MACROD2: variants seen among roughly 807,000 people sequenced by gnomAD.
MACROD2 encodes ADP-ribose glycohydrolase MACROD2.
In MACROD2, 36 loss-of-function variants were observed where a neutral mutation model predicts 70.4. That is an observed-to-expected ratio of 0.51 (90% CI 0.39 to 0.68). MACROD2 has a LOEUF of 0.68. Ranked by LOEUF, MACROD2 falls within the 30% of genes least tolerant of loss-of-function variation. The pLI is 0.00. For missense variants in MACROD2, 496 were observed against 538.4 expected (o/e 0.92, Z 0.78); for synonymous variants, 172 against 178.8 (o/e 0.96, Z 0.30).
At chr20:14,310,993 A>G (rs75679915) in intron 3 of MACROD2, among the ~76,000 whole-genome samples, 1 of 152,234 alleles carries the variant, frequency 6.6e-6, no homozygotes. Flanking sequence ...GAAAAAATTT[A>G]AAAGTTTATA....
chr20:15,818,074 G>A (rs956933696), intron 8 of MACROD2, among the ~76,000 whole-genome samples: 1 of 152,138 alleles, frequency 6.6e-6, no homozygotes, highest in Non-Finnish European at 1.5e-5. Context: ...GTCCCACCCT[G>A]TGGTGGCTTT....
At chr20:15,831,602 C>T (rs6135564) in intron 8 of MACROD2, among the ~76,000 whole-genome samples, 86,404 of 151,994 alleles carry the variant, frequency 0.57, 24,818 homozygotes, top group Non-Finnish European at 0.61. Context: ...CAGCCCCTGC[C>T]CAGCTTGGAG....
At chr20:14,244,922 T>G (rs2081957288) in intron 3 of MACROD2, among the ~76,000 whole-genome samples, 1 of 152,258 alleles carries the variant, frequency 6.6e-6, no homozygotes, top group South Asian at 2.1e-4. Flanking sequence ...ACACAGTTGT[T>G]GTTTGGTAAA....
chr20:14,483,961 A>T (rs1194811357), intron 3 of MACROD2, among the ~76,000 whole-genome samples: 1 of 152,166 alleles, frequency 6.6e-6, no homozygotes, highest in African/African-American at 2.4e-5. Context: ...TATATATTTG[A>T]TATCTGTCAG....
intron 15 of MACROD2, among the ~76,000 whole-genome samples, chr20:16,020,029 G>A (rs1681448089): frequency 6.6e-6 from 1 of 152,160 alleles, no homozygotes; most frequent in Admixed American, 6.5e-5. Flanking sequence ...TCTTCCCACT[G>A]CCAGTCTGTT....
intron 7 of MACROD2, among the ~76,000 whole-genome samples, chr20:15,473,343 TTCAAAAATATTTGCA>T (rs1160666492): frequency 6.6e-6 from 1 of 152,162 alleles, no homozygotes; most frequent in Non-Finnish European, 1.5e-5. Flanking sequence ...AGAGTAGGCA[TTCAAAAATATTTGCA>T]CAGTGAAAGG....
chr20:15,618,094 T>TC (rs2049064476), intron 8 of MACROD2, among the ~76,000 whole-genome samples: 1 of 87,164 alleles, frequency 1.1e-5, no homozygotes, highest in South Asian at 4.8e-4. Context: ...CCATCATTAG[T>TC]CTTTTTTTTT....
In MACROD2 at chr20:15,458,060, A is replaced by AGAAATGT. The variant is rs1228801214; in HGVS notation, c.571+26625_571+26626insGAAATGT. On this transcript the variant is annotated intron_variant, in intron 7 of 17. Transcript: ENST00000684519. ...AGGTATTTTTTAGTTCTGTTTTTCTAAACTCAATTTCCAGTTACATTTTTC... is the reference window on the plus strand; with the variant it reads ...AGGTATTTTTTAGTTCTGTTTTTCTAGAAATGTAACTCAATTTCCAGTTACATTTTTC... 1.5e-3 allele frequency among the ~76,000 whole-genome samples: 232 copies of AGAAATGT among 152,112 alleles called. 3 individuals are homozygous for AGAAATGT. Among genetic ancestry groups the AGAAATGT allele is most frequent in the African/African-American group, 5.5e-3 (227 of 41,500 alleles).
intron 3 of MACROD2, among the ~76,000 whole-genome samples, chr20:14,418,562 T>C (rs1380287405): frequency 6.6e-6 from 1 of 152,238 alleles, no homozygotes; most frequent in Non-Finnish European, 1.5e-5. Context: ...AAGTACAACA[T>C]TGTTACTCAG....
intron 5 of MACROD2, among the ~76,000 whole-genome samples, chr20:14,925,517 T>C (rs1486604030): frequency 6.6e-6 from 1 of 152,210 alleles, no homozygotes; most frequent in Non-Finnish European, 1.5e-5. Flanking sequence ...TCATTGATTC[T>C]GCATGAGTCA....
intron 5 of MACROD2, among the ~76,000 whole-genome samples, chr20:15,220,859 GC>G (rs1221600588): frequency 3.3e-5 from 5 of 152,208 alleles, no homozygotes; most frequent in Non-Finnish European, 7.3e-5. Context: ...ATTGCCCTAT[GC>G]ACTGGCACAT....
At chr20:14,082,616 T>C (rs910130168) in intron 2 of MACROD2, among the ~76,000 whole-genome samples, 1 of 152,150 alleles carries the variant, frequency 6.6e-6, no homozygotes, top group Admixed American at 6.5e-5. Flanking sequence ...CATGAGAAAA[T>C]GAAATAATAC....
intron 5 of MACROD2, among the ~76,000 whole-genome samples, chr20:14,835,890 T>G (rs1023623395): frequency 6.6e-6 from 1 of 152,066 alleles, no homozygotes; most frequent in Non-Finnish European, 1.5e-5. Context: ...CTCTTCCGCA[T>G]GTAGCTTATT....
At chr20:14,918,381 A>G (rs1196532798) in intron 5 of MACROD2, among the ~76,000 whole-genome samples, 3 of 152,166 alleles carry the variant, frequency 2.0e-5, no homozygotes, top group Admixed American at 6.5e-5. Flanking sequence ...AGTAGCTGCT[A>G]GAGAGAGGTT....
intron 5 of MACROD2, among the ~76,000 whole-genome samples, chr20:14,858,236 G>A (rs2073276754): frequency 6.6e-6 from 1 of 152,140 alleles, no homozygotes; most frequent in Non-Finnish European, 1.5e-5. Context: ...ATAGCAAGGT[G>A]ATAAATACGC....
At chr20:14,977,493 A>ACG (rs1444924320) in intron 5 of MACROD2, among the ~76,000 whole-genome samples, 1 of 151,656 alleles carries the variant, frequency 6.6e-6, no homozygotes, top group African/African-American at 2.4e-5. Flanking sequence ...ACACACACAC[A>ACG]CACACACAAT....
At chr20:15,030,666 C>CAGATAGATAGATAGATAGATAGATAGAT (rs60260667) in intron 5 of MACROD2, among the ~76,000 whole-genome samples, 23 of 151,750 alleles carry the variant, frequency 1.5e-4, no homozygotes, top group African/African-American at 5.6e-4. Flanking sequence ...GATAGATAGA[C>CAGATAGATAGATAGATAGATAGATAGAT]AGATAGATAG....
intron 6 of MACROD2, among the ~76,000 whole-genome samples, chr20:15,240,699 C>T (rs1177582001): frequency 6.6e-6 from 1 of 152,118 alleles, no homozygotes; most frequent in Admixed American, 6.5e-5. Context: ...AATCTCTAAC[C>T]CCCAATGTGA....
At chr20:14,115,234 G>T (rs893381565) in intron 3 of MACROD2, among the ~76,000 whole-genome samples, 1 of 152,046 alleles carries the variant, frequency 6.6e-6, no homozygotes, top group African/African-American at 2.4e-5. Context: ...TTTTTAAAAT[G>T]TTTTTCCTAT....
Sources: gnomAD v4.1 joint callset for allele counts (sites outside exome capture counted in the v4.1 genomes callset) on GRCh38, gnomAD v4.1.1 for gene constraint, MANE v1.5 for transcripts, NCBI Gene and HGNC (gene_info 2026-07-23, HGNC 2026-07-21) for gene names.